The following REPS2 variants were observed in gnomAD, a reference collection of about 807,000 sequenced individuals.
The protein encoded by REPS2 is RALBP1 associated Eps domain containing 2, also known as ralBP1-associated Eps domain-containing protein 2.
Under a neutral mutation model 53.6 loss-of-function variants are expected in REPS2, and 23 were observed. The observed-to-expected ratio is 0.43, with a 90% CI of 0.31 to 0.61. The LOEUF is 0.61. REPS2 is among the 20% of genes least tolerant of loss of function. The pLI is 0.11. For missense variants in REPS2, 446 were observed against 534.9 expected (o/e 0.83, Z 1.64); for synonymous variants, 238 against 218.6 (o/e 1.09, Z -0.78).
At chrX:17,032,815 C>T (rs1462420011) in intron 5 of REPS2, among the ~76,000 whole-genome samples, 1 of 112,148 alleles carries the variant, frequency 8.9e-6, no homozygotes, top group African/African-American at 3.2e-5. Flanking sequence ...TTATGCCAAT[C>T]CAGTGCCTAA....
chrX:17,012,766 G>T (rs1569125140), intron 2 of REPS2, among the ~76,000 whole-genome samples: 2 of 111,200 alleles, frequency 1.8e-5, no homozygotes, highest in African/African-American at 6.5e-5. Flanking sequence ...CTAAGATTGG[G>T]TTTTTTTTGG....
At chrX:17,003,212 TAGAA>T (rs1203934139) in intron 1 of REPS2, among the ~76,000 whole-genome samples, 1 of 111,768 alleles carries the variant, frequency 8.9e-6, no homozygotes, top group African/African-American at 3.3e-5. Context: ...AGGGATGTGT[TAGAA>T]AGCTAGTAAA....
the REPS2 span, among the ~76,000 whole-genome samples, chrX:17,179,772 A>G: frequency 9.0e-6 from 1 of 111,712 alleles, no homozygotes; most frequent in African/African-American, 3.3e-5. Context: ...CAGTAGATCT[A>G]TAAGGATGTC....
At chrX:17,015,860 C>T (rs192547208) in intron 2 of REPS2, among the ~76,000 whole-genome samples, 35 of 111,604 alleles carry the variant, frequency 3.1e-4, no homozygotes, top group African/African-American at 9.8e-4. Flanking sequence ...TGAATAGTGC[C>T]GCAATAAACA....
intron 13 of REPS2, among the ~76,000 whole-genome samples, chrX:17,100,549 C>G (rs1315110034): frequency 8.9e-6 from 1 of 112,414 alleles, no homozygotes; most frequent in Non-Finnish European, 1.9e-5. Flanking sequence ...TGCCCACTGC[C>G]TGCACCGCCT....
At chrX:16,964,817 C>G (rs1221902606) in intron 1 of REPS2, among the ~76,000 whole-genome samples, 1 of 56,927 alleles carries the variant, frequency 1.8e-5, no homozygotes, top group Non-Finnish European at 3.3e-5. Context: ...CCGGACGGGG[C>G]GGCTGGCCGG....
rs545007439 is a variant in REPS2, at chrX:17,101,669, A to G, written c.1517-2049A>G. ...ATACAAAAGAACTTAATGAGATCCG[A>G]ATCAGGATCTAAATACTGTTTCTAA... On this transcript the variant is annotated intron_variant, in intron 13 of 17. Coordinates refer to ENST00000357277, the MANE Select transcript of REPS2 (RefSeq NM_004726.3). Among the ~76,000 whole-genome samples the G allele has an allele frequency of 2.0e-4, 22 of 112,166 alleles. No homozygotes were observed. The South Asian group carries it at 5.3e-3, about 27-fold the overall frequency.
rs181352987 is a variant in REPS2, at chrX:17,042,200, G to T, written c.772-5147G>T. ...AAAACACTGGCAGAGCTCAAAATTG[G>T]CACCAAGTAGCAAACATCTCTGCTC... On this transcript the variant is annotated intron_variant, in intron 5 of 17. Transcript: ENST00000357277. Among the ~76,000 whole-genome samples, 4 of 111,726 alleles carry T rather than the reference G, an allele frequency of 3.6e-5. No homozygotes were observed. In the Admixed American group the frequency reaches 3.8e-4, roughly 11 times the overall value.
At position 17,062,450 on chromosome X, in the gene REPS2, C is replaced by G; in HGVS notation, c.1127C>G (p.Pro376Arg). 1 of 1,198,379 alleles carries G rather than the reference C, an allele frequency of 8.3e-7. No individual in the cohort carries two copies. Among genetic ancestry groups the G allele is most frequent in the East Asian group, 3.0e-5 (1 of 33,509 alleles). Residue 376 changes from proline (P) to arginine (R), a missense_variant, in exon 9 of 18, where the codon CCC (proline) becomes CGC (arginine). Pro to Arg is a moderately radical substitution (Grantham distance 103). Transcript: ENST00000357277. ...TGTTTCTTCTTAGCTTTTCCTAAGC[C>G]CAAATGGGACTGTCAATTATTTGAT... ...PEYLQAAFPKPKWDCQLFDSY... is the reference protein window; with the variant it reads ...PEYLQAAFPKRKWDCQLFDSY...
chrX:17,168,004 T>C, the REPS2 span, among the ~76,000 whole-genome samples: 3 of 111,781 alleles, frequency 2.7e-5, no homozygotes, highest in Admixed American at 2.9e-4. Context: ...CTGACATTTT[T>C]GGCACCTCAC....
chrX:17,186,117 A>G, the REPS2 span, among the ~76,000 whole-genome samples: 1 of 112,470 alleles, frequency 8.9e-6, no homozygotes, highest in Non-Finnish European at 1.9e-5. Context: ...TCAGCCCATC[A>G]ATAAGTACTT....
At chrX:17,115,653 C>T (rs1259411899) in intron 14 of REPS2, among the ~76,000 whole-genome samples, 1 of 111,802 alleles carries the variant, frequency 8.9e-6, no homozygotes. Flanking sequence ...CAATACCTGG[C>T]TTTCCTAGGC....
the REPS2 span, among the ~76,000 whole-genome samples, chrX:17,174,390 C>G: frequency 8.9e-6 from 1 of 112,041 alleles, no homozygotes; most frequent in Non-Finnish European, 1.9e-5. Context: ...TTAAAAATGA[C>G]AGATGCCAGG....
At chrX:17,121,405 A>T (rs1047235794) in intron 14 of REPS2, among the ~76,000 whole-genome samples, 1 of 112,451 alleles carries the variant, frequency 8.9e-6, no homozygotes, top group African/African-American at 3.2e-5. Flanking sequence ...CTGCAAGTGG[A>T]GCTGGGAAGA....
chrX:17,017,070 C>A (rs1762299754), intron 2 of REPS2, among the ~76,000 whole-genome samples: 1 of 111,401 alleles, frequency 9.0e-6, no homozygotes, highest in Admixed American at 9.5e-5. Context: ...CTTCCAAGCT[C>A]AAGCCATCCT....
intron 1 of REPS2, among the ~76,000 whole-genome samples, chrX:16,987,721 G>A (rs2061109006): frequency 8.9e-6 from 1 of 112,334 alleles, no homozygotes; most frequent in African/African-American, 3.2e-5. Context: ...ATGATTGTGT[G>A]TACCCATGTT....
intron 13 of REPS2, among the ~76,000 whole-genome samples, chrX:17,091,393 G>T (rs1432454435): frequency 9.0e-6 from 1 of 111,285 alleles, no homozygotes; most frequent in East Asian, 2.8e-4. Context: ...TGCTCTACCT[G>T]CCCTGTAGGT....
intron 2 of REPS2, among the ~76,000 whole-genome samples, chrX:17,019,553 G>T (rs1204678237): frequency 2.7e-5 from 3 of 112,006 alleles, no homozygotes; most frequent in Non-Finnish European, 5.6e-5. Context: ...GTTGAGTATG[G>T]TGACTCATGC....
chrX:17,094,852 C>CT (rs60148734), intron 13 of REPS2, among the ~76,000 whole-genome samples: 3,596 of 109,700 alleles, frequency 0.033, 154 homozygotes, highest in African/African-American at 0.11. Flanking sequence ...AAGGGTATAG[C>CT]TTTTTTTTTC....
Sources: allele counts gnomAD v4.1 joint callset (sites outside exome capture counted in the v4.1 genomes callset), GRCh38; gene constraint gnomAD v4.1.1; transcripts MANE v1.5; gene names NCBI Gene and HGNC (gene_info 2026-07-23, HGNC 2026-07-21).